Variants in MAPRE2 observed in about 807,000 individuals in gnomAD.
The protein encoded by MAPRE2 is microtubule-associated protein RP/EB family member 2.
In MAPRE2, 13 loss-of-function variants were observed where a neutral mutation model predicts 43.2. That is an observed-to-expected ratio of 0.30 (90% CI 0.20 to 0.48). MAPRE2 has a LOEUF of 0.48. MAPRE2 is among the 20% of genes least tolerant of loss of function. The pLI, the probability that MAPRE2 is intolerant of heterozygous loss-of-function variation, is 0.99. For synonymous variants in MAPRE2, 135 were observed against 148.8 expected (o/e 0.91, Z 0.68); for missense variants, 161 against 400.2 (o/e 0.40, Z 5.10).
intron 2 of MAPRE2, among the ~76,000 whole-genome samples, chr18:35,006,580 G>A (rs1568969386): frequency 1.3e-5 from 2 of 152,168 alleles, no homozygotes; most frequent in Non-Finnish European, 2.9e-5. Flanking sequence ...CCACTTAATA[G>A]CATTTTAAGA....
At chr18:35,137,274 T>C (rs115108868) in intron 6 of MAPRE2, among the ~76,000 whole-genome samples, 1,772 of 152,292 alleles carry the variant, frequency 0.012, 40 homozygotes, top group African/African-American at 0.04. Flanking sequence ...GTGACTGAGA[T>C]TTAAGCTGGA....
chr18:35,044,422 G>A (rs1401481211), intron 1 of MAPRE2, among the ~76,000 whole-genome samples: 1 of 152,158 alleles, frequency 6.6e-6, no homozygotes, highest in Non-Finnish European at 1.5e-5. Flanking sequence ...TAGAGATGGG[G>A]TTTCACCATG....
At chr18:35,139,853 T>C (rs555831109) in intron 6 of MAPRE2, among the ~76,000 whole-genome samples, 7 of 152,316 alleles carry the variant, frequency 4.6e-5, no homozygotes, top group African/African-American at 1.7e-4. Context: ...CCCACATCCC[T>C]ATCCATTAGT....
At chr18:35,062,829 G>C (rs1906601976) in intron 1 of MAPRE2, among the ~76,000 whole-genome samples, 2 of 152,172 alleles carry the variant, frequency 1.3e-5, no homozygotes, top group Non-Finnish European at 2.9e-5. Context: ...AGTTTCTTAG[G>C]TGAAAGAAAA....
chr18:35,036,633 A>T (rs192828653), upstream of MAPRE2, among the ~76,000 whole-genome samples: 2 of 152,086 alleles, frequency 1.3e-5, no homozygotes, highest in Admixed American at 1.3e-4. Flanking sequence ...TTCCCTCTAC[A>T]CTGCCATTCC....
intron 2 of MAPRE2, among the ~76,000 whole-genome samples, chr18:35,087,607 CTTG>C (rs1907936509): frequency 6.6e-6 from 1 of 152,112 alleles, no homozygotes; most frequent in African/African-American, 2.4e-5. Context: ...TTTACCAGCC[CTTG>C]TTGTGGTTCA....
intron 4 of MAPRE2, among the ~76,000 whole-genome samples, chr18:35,110,422 A>T (rs181752871): frequency 6.6e-6 from 1 of 152,156 alleles, no homozygotes; most frequent in Non-Finnish European, 1.5e-5. Flanking sequence ...TGATGTGGCT[A>T]CTAGAAAACT....
intron 1 of MAPRE2, among the ~76,000 whole-genome samples, chr18:35,000,092 A>G (rs2150578325): frequency 6.6e-6 from 1 of 152,268 alleles, no homozygotes. Flanking sequence ...AAAGAATGTG[A>G]TCTACAACTG....
At chr18:35,050,599 C>T (rs1177922670) in intron 1 of MAPRE2, among the ~76,000 whole-genome samples, 1 of 152,076 alleles carries the variant, frequency 6.6e-6, no homozygotes, top group African/African-American at 2.4e-5. Flanking sequence ...TTAAAATATC[C>T]TCTTTGCATT....
chr18:35,056,078 AT>A (rs11337808), intron 1 of MAPRE2, among the ~76,000 whole-genome samples: 20,182 of 151,918 alleles, frequency 0.13, 1,521 homozygotes, highest in East Asian at 0.32. Flanking sequence ...AAATGGACAG[AT>A]TTTTTTAATA....
intron 1 of MAPRE2, among the ~76,000 whole-genome samples, chr18:35,061,830 C>T (rs1055161955): frequency 6.6e-6 from 1 of 152,192 alleles, no homozygotes; most frequent in Non-Finnish European, 1.5e-5. Context: ...CCTCCTCAAA[C>T]AAATACTTTC....
intron 4 of MAPRE2, among the ~76,000 whole-genome samples, chr18:35,112,939 T>C (rs1909245045): frequency 6.6e-6 from 1 of 152,220 alleles, no homozygotes; most frequent in Admixed American, 6.5e-5. Context: ...TCCACATACA[T>C]GGTGCCTTCT....
In MAPRE2 at chr18:34,982,891, A is replaced by C. The variant is rs959504985; in HGVS notation, c.-70+5812A>C. ...AGTCATGGAAAAATATCCAAAGAAG[A>C]AAATACTAGAGGACACTTGAAAATT... On this transcript the variant is annotated intron_variant, in intron 1 of 7. Transcript: ENST00000413393. Among the ~76,000 whole-genome samples the C allele has an allele frequency of 3.9e-5, 6 of 152,340 alleles. No individual in the cohort carries two copies. In the East Asian group the frequency reaches 1.2e-3, roughly 29 times the overall value.
At chr18:35,057,144 A>T (rs1906271966) in intron 1 of MAPRE2, among the ~76,000 whole-genome samples, 1 of 152,018 alleles carries the variant, frequency 6.6e-6, no homozygotes, top group African/African-American at 2.4e-5. Context: ...CCTCCCAAGT[A>T]ACTGGGATTA....
chr18:35,131,494 G>A (rs181918158), intron 5 of MAPRE2, among the ~76,000 whole-genome samples: 1 of 152,214 alleles, frequency 6.6e-6, no homozygotes, highest in Admixed American at 6.5e-5. Context: ...CTTCATAGAT[G>A]GCACCTTCTC....
chr18:35,125,303 C>T (rs1430449726), intron 4 of MAPRE2, among the ~76,000 whole-genome samples: 1 of 152,192 alleles, frequency 6.6e-6, no homozygotes, highest in African/African-American at 2.4e-5. Context: ...TGTCACATAC[C>T]TGTCTTTATA....
intron 2 of MAPRE2, among the ~76,000 whole-genome samples, chr18:35,091,033 A>G (rs939699552): frequency 6.6e-6 from 1 of 152,218 alleles, no homozygotes; most frequent in Admixed American, 6.5e-5. Flanking sequence ...CAATGGAAAC[A>G]TATAAAACAT....
At chr18:35,075,927 G>T (rs1272827639) in intron 2 of MAPRE2, among the ~76,000 whole-genome samples, 1 of 151,980 alleles carries the variant, frequency 6.6e-6, no homozygotes, top group East Asian at 1.9e-4. Context: ...CTCCAAATTT[G>T]TTCATTTACA....
chr18:35,052,083 T>C (rs1326146483), intron 1 of MAPRE2, among the ~76,000 whole-genome samples: 1 of 152,202 alleles, frequency 6.6e-6, no homozygotes, highest in Non-Finnish European at 1.5e-5. Context: ...TCATCAACTT[T>C]ATTAAGAATT....
Sources: gnomAD v4.1 joint callset for allele counts (sites outside exome capture counted in the v4.1 genomes callset) on GRCh38, gnomAD v4.1.1 for gene constraint, MANE v1.5 for transcripts, NCBI Gene and HGNC (gene_info 2026-07-23, HGNC 2026-07-21) for gene names.